Variants in SIRPA observed in about 807,000 individuals in gnomAD.
SIRPA encodes signal regulatory protein alpha, also known as tyrosine-protein phosphatase non-receptor type substrate 1.
SIRPA carries 9 observed loss-of-function variants against 50.3 expected under a neutral mutation model. The observed-to-expected ratio is 0.18, with a 90% CI of 0.11 to 0.31. SIRPA has a LOEUF of 0.31. SIRPA is among the 10% of genes least tolerant of loss of function. The pLI is 1.00. For synonymous variants in SIRPA, 265 were observed against 284.1 expected, an observed-to-expected ratio of 0.93 and a Z score of 0.68; for missense variants, 474 against 661.6, an observed-to-expected ratio of 0.72 and a Z score of 3.11.
rs1194492952 is a variant in SIRPA, at chr20:1,924,352, G to T, written c.1088-412G>T. Among the ~76,000 whole-genome samples the T allele has an allele frequency of 6.6e-6, 1 of 152,204 alleles. No homozygotes were observed. The highest frequency in any genetic ancestry group is 1.5e-5 in the Non-Finnish European group (1 of 68,034). On this transcript the variant is annotated intron_variant, in intron 4 of 7. Coordinates refer to ENST00000358771, the MANE Select transcript of SIRPA (RefSeq NM_001040023.2). This position sits in a 1 kb window ranked among gnomAD's most constrained non-coding sequence, Gnocchi z 4.5. Reference sequence around the variant, plus strand: ...CAGACCGGTCGTCAGCCCCTGAGCTGTGCAGAGCCTGCTGGCCGCACTGCC... The same window carrying T: ...CAGACCGGTCGTCAGCCCCTGAGCTTTGCAGAGCCTGCTGGCCGCACTGCC...
Position 1,937,780 on chromosome 20 carries a change from A to C in SIRPA, c.*212A>C. ...CGGCCCCCTCCCCCCACATTGCCAC[A>C]TACCTGGAGGCTGACGTTGCCAAAC... On this transcript the variant is annotated 3_prime_UTR_variant, in exon 8 of 8. Transcript: ENST00000358771. This position sits in a 1 kb window ranked among gnomAD's most constrained non-coding sequence, Gnocchi z 8.3. 1.6e-6 allele frequency: 1 copy of C among 633,464 alleles called. No individual in the cohort carries two copies. The highest frequency in any genetic ancestry group is 2.7e-6 in the Non-Finnish European group (1 of 374,756). 39.2% of individuals were successfully genotyped at this position (633,464 alleles called of 1,614,324 possible). A position where few individuals can be genotyped will look rare whatever the true frequency, so the allele number is the denominator to read the frequency against.
chr20:1,918,488 A>G (rs896572927), intron 2 of SIRPA, among the ~76,000 whole-genome samples: 56 of 151,268 alleles, frequency 3.7e-4, no homozygotes, highest in Non-Finnish European at 4.6e-4. Context: ...CTGGGATTAC[A>G]GGTGTGAGCC....
rs2122215892 is a variant in SIRPA, at chr20:1,937,964, C to T, written c.*396C>T. 4.9e-6 allele frequency: 1 copy of T among 204,770 alleles called. No individual in the cohort carries two copies. Among genetic ancestry groups the T allele is most frequent in the East Asian group, 1.2e-4 (1 of 8,130 alleles). 12.7% of individuals were successfully genotyped at this position (204,770 alleles called of 1,614,324 possible). ...GTGGGGAGGAGAAAATCCCACCTCCCCTGACCTCCACCACCTCCACCACCA... is the reference window on the plus strand; with the variant it reads ...GTGGGGAGGAGAAAATCCCACCTCCTCTGACCTCCACCACCTCCACCACCA... On this transcript the variant is annotated 3_prime_UTR_variant, in exon 8 of 8. Transcript: ENST00000358771. This position sits in a 1 kb window ranked among gnomAD's most constrained non-coding sequence, Gnocchi z 8.3.
intron 7 of SIRPA, among the ~76,000 whole-genome samples, chr20:1,935,517 A>G (rs1986526483): frequency 6.6e-6 from 1 of 152,230 alleles, no homozygotes; most frequent in Non-Finnish European, 1.5e-5. Flanking sequence ...TGTAGACCAA[A>G]ATGCCTTGGC....
Position 1,934,634 on chromosome 20 carries a change from C to T in SIRPA, c.1227-81C>T. 1 of 1,380,798 alleles carries T rather than the reference C, an allele frequency of 7.2e-7. No homozygotes were observed. The highest frequency in any genetic ancestry group is 1.0e-6 in the Non-Finnish European group (1 of 970,734). 85.5% of individuals were successfully genotyped at this position (1,380,798 alleles called of 1,614,324 possible). On this transcript the variant is annotated intron_variant, in intron 6 of 7. Coordinates refer to ENST00000358771, the MANE Select transcript of SIRPA (RefSeq NM_001040023.2). This position sits in a 1 kb window ranked among gnomAD's most constrained non-coding sequence, Gnocchi z 4.6. ...TCCTCAACCCATATAGAAAATGGAG[C>T]CTAAATGTTATTCTTATCAGTTTGC...
rs1017490952 is a variant in SIRPA, at chr20:1,933,853, A to G, written c.1227-862A>G. Among the ~76,000 whole-genome samples, 1 of 152,222 alleles carries G rather than the reference A, an allele frequency of 6.6e-6. No homozygotes were observed. Among genetic ancestry groups the G allele is most frequent in the African/African-American group, 2.4e-5 (1 of 41,450 alleles). ...CCGTGACCCTCCAGTGAGTCAAGTC[A>G]TGACCTCCAATTACAGAAGCAAGTG... On this transcript the variant is annotated intron_variant, in intron 6 of 7. Transcript: ENST00000358771. The surrounding 1 kb of genome is among the most constrained non-coding windows in gnomAD (Gnocchi z 4.4).
At chr20:1,929,019 T>C (rs967859413) in intron 6 of SIRPA, among the ~76,000 whole-genome samples, 3 of 152,176 alleles carry the variant, frequency 2.0e-5, no homozygotes, top group Non-Finnish European at 2.9e-5. Flanking sequence ...AATAGCTTCA[T>C]GTTGGTTCAC....
chr20:1,915,551 G>A, intron 2 of SIRPA, 96 bp downstream of exon 2: 2 of 1,423,536 alleles, frequency 1.4e-6, no homozygotes, highest in South Asian at 2.5e-5. Flanking sequence ...TGTGGTGGTA[G>A]GTGCTCCTTT....
intron 1 of SIRPA, among the ~76,000 whole-genome samples, chr20:1,914,776 T>C (rs1985127649): frequency 6.6e-6 from 1 of 152,074 alleles, no homozygotes; most frequent in African/African-American, 2.4e-5. Context: ...CTGTTCCCTC[T>C]GTCTGGAATA....
At chr20:1,913,830 A>G (rs1406019608) in intron 1 of SIRPA, among the ~76,000 whole-genome samples, 2 of 151,918 alleles carry the variant, frequency 1.3e-5, no homozygotes, top group African/African-American at 4.8e-5. Context: ...ATCCATCTTC[A>G]ACGCATCTCA....
rs1986351240 is a variant in SIRPA at position 1,932,530 on chromosome 20, C to T, written c.1227-2185C>T. 6.6e-6 allele frequency among the ~76,000 whole-genome samples: 1 copy of T among 152,190 alleles called. No homozygotes were observed. The highest frequency in any genetic ancestry group is 2.4e-5 in the African/African-American group (1 of 41,440). On this transcript the variant is annotated intron_variant, in intron 6 of 7. Transcript: ENST00000358771. The surrounding 1 kb of genome is among the most constrained non-coding windows in gnomAD (Gnocchi z 6.0). ...GGCAGGAGAGGGATGGAGCCTAGAG[C>T]AGTTGGCCGAGCTGAGCCTTGGAGC... is the stretch of plus-strand genomic sequence containing the variant.
rs1204402951 is a variant in SIRPA at position 1,927,582 on chromosome 20, G to A, written c.1202-293G>A. On this transcript the variant is annotated intron_variant, in intron 5 of 7. Transcript: ENST00000358771. This position sits in a 1 kb window ranked among gnomAD's most constrained non-coding sequence, Gnocchi z 6.5. ...CTGAGGTTTGTGGTTGAATGGAGGT[G>A]AGACCCAGACAGAGGTAGGGCGGTT... Among the ~76,000 whole-genome samples the A allele has an allele frequency of 6.6e-6, 1 of 152,206 alleles. No homozygotes were observed. Among genetic ancestry groups the A allele is most frequent in the East Asian group, 1.9e-4 (1 of 5,186 alleles).
At position 1,924,947 on chromosome 20, in the gene SIRPA, G is replaced by T; in HGVS notation, c.1201+70G>T. On this transcript the variant is annotated intron_variant, in intron 5 of 7. Coordinates refer to ENST00000358771, the MANE Select transcript of SIRPA (RefSeq NM_001040023.2). This position sits in a 1 kb window ranked among gnomAD's most constrained non-coding sequence, Gnocchi z 4.5. ...TGTCCTCGGAGGGAGACGCCATTAG[G>T]TGCTTTGGGTTAAGGACATCAGCTT... The T allele has an allele frequency of 8.0e-7, 1 of 1,249,918 alleles. No homozygotes were observed. Among genetic ancestry groups the T allele is most frequent in the Non-Finnish European group, 1.2e-6 (1 of 858,070 alleles). 77.4% of individuals were successfully genotyped at this position (1,249,918 alleles called of 1,614,324 possible). A position where few individuals can be genotyped will look rare whatever the true frequency, so the allele number is the denominator to read the frequency against.
rs1034742376 is a variant in SIRPA, at chr20:1,934,259, C to T, written c.1227-456C>T. Among the ~76,000 whole-genome samples the T allele has an allele frequency of 6.6e-6, 1 of 152,182 alleles. No individual in the cohort carries two copies. Among genetic ancestry groups the T allele is most frequent in the Non-Finnish European group, 1.5e-5 (1 of 68,022 alleles). ...CATAAACCTCCTCCCCCATCCAGCCCTTGACAAATGCCTTTGTGTTGAAAG... is the reference window on the plus strand; with the variant it reads ...CATAAACCTCCTCCCCCATCCAGCCTTTGACAAATGCCTTTGTGTTGAAAG... On this transcript the variant is annotated intron_variant, in intron 6 of 7. Coordinates refer to ENST00000358771, the MANE Select transcript of SIRPA (RefSeq NM_001040023.2). This position sits in a 1 kb window ranked among gnomAD's most constrained non-coding sequence, Gnocchi z 4.6.
chr20:1,896,251 C>G (rs927862869), intron 1 of SIRPA, among the ~76,000 whole-genome samples: 2 of 152,244 alleles, frequency 1.3e-5, no homozygotes, highest in African/African-American at 4.8e-5. Flanking sequence ...CAGCTCCCTG[C>G]AGTTCAGGTG....
At position 1,937,580 on chromosome 20, in the gene SIRPA, G is replaced by T; in HGVS notation, c.*12G>T. The T allele has an allele frequency of 6.2e-7, 1 of 1,613,666 alleles. No homozygotes were observed. Among genetic ancestry groups the T allele is most frequent in the Non-Finnish European group, 8.5e-7 (1 of 1,179,802 alleles). ...TCCCGAGGAAGTGAATGGGACCGTG[G>T]TTTGCTCTAGCACCCATCTCTACGC... On this transcript the variant is annotated 3_prime_UTR_variant, in exon 8 of 8. Transcript: ENST00000358771. This position sits in a 1 kb window ranked among gnomAD's most constrained non-coding sequence, Gnocchi z 8.3.
At chr20:1,925,903 A>G (rs150756662) in intron 5 of SIRPA, among the ~76,000 whole-genome samples, 1 of 152,320 alleles carries the variant, frequency 6.6e-6, no homozygotes, top group East Asian at 1.9e-4. Flanking sequence ...ATCTCAACCC[A>G]ACACATACAC....
In SIRPA at chr20:1,937,777, C is replaced by T. The variant is rs1986677071; in HGVS notation, c.*209C>T. The T allele has an allele frequency of 4.7e-6, 3 of 642,284 alleles. No homozygotes were observed. In the South Asian group the frequency reaches 6.3e-5, roughly 13 times the overall value. The allele number at this position is 642,284 out of a possible 1,614,324, so 39.8% of individuals were successfully genotyped here. A position where few individuals can be genotyped will look rare whatever the true frequency, so the allele number is the denominator to read the frequency against. Reference sequence around the variant, plus strand: ...CCACGGCCCCCTCCCCCCACATTGCCACATACCTGGAGGCTGACGTTGCCA... The same window carrying T: ...CCACGGCCCCCTCCCCCCACATTGCTACATACCTGGAGGCTGACGTTGCCA... On this transcript the variant is annotated 3_prime_UTR_variant, in exon 8 of 8. Coordinates refer to ENST00000358771, the MANE Select transcript of SIRPA (RefSeq NM_001040023.2). This position sits in a 1 kb window ranked among gnomAD's most constrained non-coding sequence, Gnocchi z 8.3.
In SIRPA at chr20:1,938,701, G is replaced by T. The variant is rs1986732513; in HGVS notation, c.*1133G>T. On this transcript the variant is annotated 3_prime_UTR_variant, in exon 8 of 8. Transcript: ENST00000358771. ...CACGCGGCTGGTAGTGCAGCCTTCT[G>T]TGACCCCGCTGTGGTAAGTCCAGCC... 2 of 152,634 alleles carry T rather than the reference G, an allele frequency of 1.3e-5. No homozygotes were observed. Among genetic ancestry groups the T allele is most frequent in the Non-Finnish European group, 2.9e-5 (2 of 68,118 alleles). 9.5% of individuals were successfully genotyped at this position (152,634 alleles called of 1,614,324 possible).
Sources: allele counts gnomAD v4.1 joint callset (sites outside exome capture counted in the v4.1 genomes callset), GRCh38; gene constraint gnomAD v4.1.1; non-coding constraint Gnocchi (gnomAD v3.1); transcripts MANE v1.5; gene names NCBI Gene and HGNC (gene_info 2026-07-23, HGNC 2026-07-21).